Variants in LOC400499 observed in about 807,000 individuals in gnomAD.
the LOC400499 span, chr16:11,383,575 G>C: frequency 1.6e-6 from 2 of 1,226,402 alleles, no homozygotes; most frequent in Non-Finnish European, 1.0e-6. Context: ...AAAGGGACTG[G>C]TTTTCCCTCT....
At chr16:11,515,288 A>G in the LOC400499 span, among the ~76,000 whole-genome samples, 1 of 151,686 alleles carries the variant, frequency 6.6e-6, no homozygotes, top group Non-Finnish European at 1.5e-5. Context: ...TCTACTAAAA[A>G]TCCAGAAAAA....
the LOC400499 span, among the ~76,000 whole-genome samples, chr16:11,396,900 G>A: frequency 6.6e-6 from 1 of 152,156 alleles, no homozygotes; most frequent in Non-Finnish European, 1.5e-5. Flanking sequence ...CACTTCCCTT[G>A]CTCCCTCCGT....
chr16:11,496,724 G>A, the LOC400499 span, among the ~76,000 whole-genome samples: 2 of 152,130 alleles, frequency 1.3e-5, no homozygotes, highest in Non-Finnish European at 2.9e-5. Flanking sequence ...GTGTGTCTTG[G>A]TGTGCCTATG....
chr16:11,479,818 T>C, the LOC400499 span, among the ~76,000 whole-genome samples: 320 of 152,302 alleles, frequency 2.1e-3, 1 homozygote, highest in African/African-American at 7.4e-3. Context: ...AGTTTTTCCA[T>C]TTCTGTCCTC....
chr16:11,433,018 T>C, the LOC400499 span, among the ~76,000 whole-genome samples: 1 of 152,240 alleles, frequency 6.6e-6, no homozygotes, highest in Non-Finnish European at 1.5e-5. Context: ...AAACTACAGC[T>C]TGTGGGCCAA....
the LOC400499 span, among the ~76,000 whole-genome samples, chr16:11,445,191 C>T: frequency 1.3e-5 from 2 of 151,776 alleles, no homozygotes; most frequent in Non-Finnish European, 2.9e-5. Context: ...GAGGCCAAGG[C>T]GGGCAGATCA....
At chr16:11,411,855 CTT>C in the LOC400499 span, among the ~76,000 whole-genome samples, 106 of 144,180 alleles carry the variant, frequency 7.4e-4, 1 homozygote, top group Middle Eastern at 3.6e-3. Context: ...TTCTCTTTTT[CTT>C]TTTTTTTTTT....
At chr16:11,393,164 C>CCCCCTT in the LOC400499 span, among the ~76,000 whole-genome samples, 4 of 115,066 alleles carry the variant, frequency 3.5e-5, no homozygotes, top group African/African-American at 1.2e-4. Flanking sequence ...ACCCCCCCCC[C>CCCCCTT]TTTTTTTTAA....
At chr16:11,396,996 T>C in the LOC400499 span, among the ~76,000 whole-genome samples, 1 of 151,916 alleles carries the variant, frequency 6.6e-6, no homozygotes, top group African/African-American at 2.4e-5. Flanking sequence ...GAGGCCCCTT[T>C]TTGCAACACC....
chr16:11,495,233 C>G, the LOC400499 span, among the ~76,000 whole-genome samples: 19 of 149,274 alleles, frequency 1.3e-4, no homozygotes, highest in East Asian at 1.2e-3. Flanking sequence ...AAAAAGAAAA[C>G]AAAACAAAAA....
At chr16:11,483,573 A>G in the LOC400499 span, among the ~76,000 whole-genome samples, 2,037 of 152,198 alleles carry the variant, frequency 0.013, 37 homozygotes, top group African/African-American at 0.047. Context: ...CTTTTTTTAA[A>G]AAGGACATGT....
the LOC400499 span, among the ~76,000 whole-genome samples, chr16:11,403,114 G>A: frequency 1.3e-5 from 2 of 152,254 alleles, no homozygotes; most frequent in South Asian, 4.1e-4. Context: ...TGAGGCCCCT[G>A]AGCAGCCCTG....
chr16:11,386,151 A>T, the LOC400499 span, among the ~76,000 whole-genome samples: 1 of 152,164 alleles, frequency 6.6e-6, no homozygotes, highest in African/African-American at 2.4e-5. Context: ...CAAACACAAG[A>T]CTGGTGTCCT....
At chr16:11,487,490 G>T in the LOC400499 span, 1 of 396,430 alleles carries the variant, frequency 2.5e-6, no homozygotes, top group Non-Finnish European at 4.4e-6. Context: ...TACATGGTGT[G>T]TCTTCCCACC....
At chr16:11,459,188 A>AT in the LOC400499 span, among the ~76,000 whole-genome samples, 2,657 of 119,888 alleles carry the variant, frequency 0.022, 132 homozygotes, top group African/African-American at 0.042. Flanking sequence ...TCCTAAACCA[A>AT]TTTTTTTTTT....
At chr16:11,461,890 T>C in the LOC400499 span, among the ~76,000 whole-genome samples, 72 of 152,342 alleles carry the variant, frequency 4.7e-4, no homozygotes, top group African/African-American at 1.6e-3. Context: ...GTGTTTCTTA[T>C]CGTGGGTCAG....
chr16:11,463,805 G>A, the LOC400499 span, among the ~76,000 whole-genome samples: 1 of 152,036 alleles, frequency 6.6e-6, no homozygotes. Context: ...ATGTTTGTGT[G>A]TATGAATATG....
the LOC400499 span, among the ~76,000 whole-genome samples, chr16:11,441,846 T>TA: frequency 1.3e-5 from 2 of 152,202 alleles, no homozygotes; most frequent in East Asian, 1.9e-4. Flanking sequence ...ACCCTGCTAA[T>TA]ACCTTGATTT....
chr16:11,445,562 A>G, the LOC400499 span, among the ~76,000 whole-genome samples: 3 of 152,180 alleles, frequency 2.0e-5, no homozygotes, highest in African/African-American at 7.2e-5. Context: ...AAGCTGAAGG[A>G]GAGGGTGACG....
Sources: allele counts gnomAD v4.1 joint callset (sites outside exome capture counted in the v4.1 genomes callset), GRCh38; gene constraint gnomAD v4.1.1; transcripts MANE v1.5.